The following GGT7 variants were observed in gnomAD, a reference collection of about 807,000 sequenced individuals.
The protein encoded by GGT7 is glutathione hydrolase 7.
A neutral mutation model predicts 69.2 loss-of-function variants in GGT7; 30 were observed. That is an observed-to-expected ratio of 0.43 (90% CI 0.32 to 0.59). The LOEUF is 0.59. Among genes scored for constraint, GGT7 ranks in the 20% least tolerant of loss-of-function variants. The probability of loss-of-function intolerance (pLI) is 0.05; values close to 1 mark genes in which losing one functional copy is unlikely to be tolerated. For missense variants in GGT7, 733 were observed against 901.1 expected (o/e 0.81, Z 2.39); for synonymous variants, 388 against 391.8 (o/e 0.99, Z 0.12).
chr20:34,863,323 C>G lies in GGT7; in HGVS notation c.395G>C (p.Gly132Ala), dbSNP rs1568941181. Residue 132 changes from glycine (G) to alanine (A), a missense_variant, in exon 2 of 15, where the codon GGG (glycine) becomes GCG (alanine). By Grantham distance (60) the Gly-to-Ala change is moderately conservative. Coordinates refer to ENST00000336431, the MANE Select transcript of GGT7 (RefSeq NM_178026.3). This position sits in a 1 kb window ranked among gnomAD's most constrained non-coding sequence, Gnocchi z 4.4. ...TVALVMQIYF[G>A]DPQIFQQGAV... Reference sequence around the variant, plus strand: ...ATTTGTCCCCCTCACCTGGGGGTCCCCGAAGTAGATCTGCATGACCAGCGC... The same window carrying G: ...ATTTGTCCCCCTCACCTGGGGGTCCGCGAAGTAGATCTGCATGACCAGCGC... 2 of 1,611,890 alleles carry G rather than the reference C, an allele frequency of 1.2e-6. No homozygotes were observed. The highest frequency in any genetic ancestry group is 1.7e-6 in the Non-Finnish European group (2 of 1,178,284).
intron 2 of GGT7, 25 bp from the exon 3 acceptor site, chr20:34,862,990 G>T: frequency 1.9e-6 from 3 of 1,601,276 alleles, no homozygotes; most frequent in Non-Finnish European, 2.6e-6. Context: ...AGGACTTGGT[G>T]GGGGCAGGAG....
At chr20:34,856,435 G>A (rs996007181) in intron 8 of GGT7, among the ~76,000 whole-genome samples, 6 of 152,162 alleles carry the variant, frequency 3.9e-5, no homozygotes, top group African/African-American at 7.2e-5. Context: ...TCATTCTACT[G>A]TGAAGCTTGG....
At position 34,863,610 on chromosome 20, in the gene GGT7, G is replaced by A; in HGVS notation, c.170-62C>T. The A allele has an allele frequency of 1.1e-5, 12 of 1,133,114 alleles. No individual in the cohort carries two copies. The highest frequency in any genetic ancestry group is 1.3e-5 in the Non-Finnish European group (10 of 766,038). 70.2% of individuals were successfully genotyped at this position (1,133,114 alleles called of 1,614,324 possible). A position where few individuals can be genotyped will look rare whatever the true frequency, so the allele number is the denominator to read the frequency against. Reference sequence around the variant, plus strand: ...CTATCTGGCCCTGCCCACCCTCCAGGTGGGACTATTCAGCGCTTTCCCTGC... The same window carrying A: ...CTATCTGGCCCTGCCCACCCTCCAGATGGGACTATTCAGCGCTTTCCCTGC... On this transcript the variant is annotated intron_variant, in intron 1 of 14. Transcript: ENST00000336431. This position sits in a 1 kb window ranked among gnomAD's most constrained non-coding sequence, Gnocchi z 4.4.
rs1343213057 is a variant in GGT7, at chr20:34,863,416, G to A, written c.302C>T (p.Ser101Phe). Reference protein sequence around the residue: ...DPFSAAAAECSCRQDGLTVIV... With the variant: ...DPFSAAAAECFCRQDGLTVIV... ...GACCGTGAGCCCATCCTGGCGGCAG[G>A]AGCACTCGGCCGCTGCGGCGGAGAA... Residue 101 changes from serine to phenylalanine, a missense_variant, in exon 2 of 15, where the codon TCC becomes TTC. Physicochemically the swap from Ser to Phe is radical, Grantham distance 155 (BLOSUM62 -2). Transcript: ENST00000336431. The surrounding 1 kb of genome is among the most constrained non-coding windows in gnomAD (Gnocchi z 4.4). 4 of 1,613,796 alleles carry A rather than the reference G, an allele frequency of 2.5e-6. No individual in the cohort carries two copies. Among genetic ancestry groups the A allele is most frequent in the South Asian group, 1.1e-5 (1 of 91,074 alleles).
chr20:34,849,888 G>T (rs779283400), intron 14 of GGT7, 73 bp downstream of exon 14: 2 of 846,942 alleles, frequency 2.4e-6, no homozygotes, highest in South Asian at 1.7e-5. Context: ...GTTGAGGCAT[G>T]GGCACCCTTG....
chr20:34,871,465 T>A (rs2079777085), intron 1 of GGT7, among the ~76,000 whole-genome samples: 1 of 152,166 alleles, frequency 6.6e-6, no homozygotes, highest in Non-Finnish European at 1.5e-5. Context: ...TCCACTCCCT[T>A]TGGAAAATAA....
At position 34,854,629 on chromosome 20, in the gene GGT7, C is replaced by G. The variant is rs754447766; in HGVS notation, c.1231-10G>C. The G allele has an allele frequency of 6.2e-7, 1 of 1,605,258 alleles. No homozygotes were observed. The highest frequency in any genetic ancestry group is 8.5e-7 in the Non-Finnish European group (1 of 1,172,096). Reference sequence around the variant, plus strand: ...ATGCAATCTTCAGGGTCTGAAAATACAGCAGGGATATGGAAGAGGCTGCCA... The same window carrying G: ...ATGCAATCTTCAGGGTCTGAAAATAGAGCAGGGATATGGAAGAGGCTGCCA... On this transcript the variant is annotated splice_polypyrimidine_tract_variant and intron_variant, in intron 9 of 14. Transcript: ENST00000336431.
chr20:34,864,724 AG>A (rs1292585509), intron 1 of GGT7, among the ~76,000 whole-genome samples: 1 of 127,162 alleles, frequency 7.9e-6, no homozygotes, highest in Non-Finnish European at 1.7e-5. Flanking sequence ...CTGTCTCAAA[AG>A]AAAAAAAAAA....
chr20:34,866,753 A>G (rs1250863625), intron 1 of GGT7, among the ~76,000 whole-genome samples: 1 of 151,816 alleles, frequency 6.6e-6, no homozygotes, highest in African/African-American at 2.4e-5. Context: ...CTAATTTTTT[A>G]TATTTTTAGT....
intron 1 of GGT7, among the ~76,000 whole-genome samples, chr20:34,870,730 C>T (rs984488224): frequency 2.4e-4 from 36 of 149,364 alleles, no homozygotes; most frequent in African/African-American, 8.2e-4. Flanking sequence ...CCTCAGCATC[C>T]CAAAGTGCTG....
At chr20:34,852,600 C>T in intron 10 of GGT7, 62 bp from the exon 11 acceptor site, 1 of 1,458,854 alleles carries the variant, frequency 6.9e-7, no homozygotes, top group Non-Finnish European at 9.2e-7. Context: ...CCACCTACCT[C>T]ACTTTTGTGG....
In GGT7 at chr20:34,851,234, T is replaced by C. The variant is rs755259069; in HGVS notation, c.1722A>G (p.Thr574=). The C allele has an allele frequency of 3.1e-6, 5 of 1,613,204 alleles. No homozygotes were observed. The East Asian group carries it at 1.1e-4, about 36-fold the overall frequency. The change falls in exon 13 of 15, where the codon ACA becomes ACG. Residue 574 remains threonine, a synonymous_variant. Coordinates refer to ENST00000336431, the MANE Select transcript of GGT7 (RefSeq NM_178026.3). Reference sequence around the variant, plus strand: ...CCAACCATGGCGTAAACCTCACCTGTGTCAGGCCGCTGAGGCCCCGCGCAG... The same window carrying C: ...CCAACCATGGCGTAAACCTCACCTGCGTCAGGCCGCTGAGGCCCCGCGCAG... The part of the protein sequence containing the change: ...NGAARGLSGL[T]QVLLNVLTLN...
Position 34,863,089 on chromosome 20 carries a change from T to C in GGT7, c.406-124A>G. ...AGCCCTGCCCCCTTGTTGCCTTGAC[T>C]CTGCCCTCATTACCCCAAGTGCCTC... On this transcript the variant is annotated intron_variant, in intron 2 of 14. Coordinates refer to ENST00000336431, the MANE Select transcript of GGT7 (RefSeq NM_178026.3). The surrounding 1 kb of genome is among the most constrained non-coding windows in gnomAD (Gnocchi z 4.4). The C allele has an allele frequency of 1.0e-6, 1 of 962,950 alleles. No homozygotes were observed. The highest frequency in any genetic ancestry group is 1.6e-6 in the Non-Finnish European group (1 of 641,994). 59.7% of individuals were successfully genotyped at this position (962,950 alleles called of 1,614,324 possible). A position where few individuals can be genotyped will look rare whatever the true frequency, so the allele number is the denominator to read the frequency against.
intron 4 of GGT7, among the ~76,000 whole-genome samples, chr20:34,861,182 C>T (rs948451386): frequency 6.6e-6 from 1 of 152,132 alleles, no homozygotes; most frequent in African/African-American, 2.4e-5. Flanking sequence ...GCATCAACTT[C>T]GTGACATTTC....
chr20:34,854,446 A>T, intron 10 of GGT7, 85 bp downstream of exon 10: 1 of 762,516 alleles, frequency 1.3e-6, no homozygotes, highest in Non-Finnish European at 2.2e-6. Context: ...TCAGGCCTTT[A>T]TTGCTATACC....
At chr20:34,860,593 G>C (rs895688042) in intron 4 of GGT7, among the ~76,000 whole-genome samples, 2 of 149,832 alleles carry the variant, frequency 1.3e-5, no homozygotes, top group African/African-American at 2.5e-5. Flanking sequence ...GACATAACCA[G>C]TGTAGAAAGA....
Position 34,849,984 on chromosome 20 carries a change from T to G in GGT7, c.1802A>C (p.Gln601Pro). The change falls in exon 14 of 15, where the codon CAG becomes CCG. Residue 601 changes from glutamine (Q) to proline (P), a missense_variant. Physicochemically the swap from Gln to Pro is moderately conservative, Grantham distance 76. Transcript: ENST00000336431. ...ACTGTCCACCTGCAGGAGGTTGGAC[T>G]GCAGGTCCGGGTGTAGGCGGCCGCG... ...LARGRLHPDL[Q>P]SNLLQVDSEF... is the part of the protein sequence containing the mutation. 1 of 1,612,572 alleles carries G rather than the reference T, an allele frequency of 6.2e-7. No individual in the cohort carries two copies. Among genetic ancestry groups the G allele is most frequent in the Non-Finnish European group, 8.5e-7 (1 of 1,178,710 alleles).
chr20:34,852,659 G>A, intron 10 of GGT7, 121 bp from the exon 11 acceptor site: 1 of 859,984 alleles, frequency 1.2e-6, no homozygotes, highest in East Asian at 2.8e-5. Flanking sequence ...TGGACTACTA[G>A]GTCTATGAGT....
At chr20:34,850,696 C>T (rs1196455579) in intron 13 of GGT7, 1 of 376,962 alleles carries the variant, frequency 2.7e-6, no homozygotes, top group Non-Finnish European at 5.3e-6. Context: ...TAAGTGAATG[C>T]TCCAGCATCA....
Sources: gnomAD v4.1 joint callset for allele counts (sites outside exome capture counted in the v4.1 genomes callset) on GRCh38, gnomAD v4.1.1 for gene constraint, Gnocchi (gnomAD v3.1) non-coding constraint, MANE v1.5 for transcripts, NCBI Gene and HGNC (gene_info 2026-07-23, HGNC 2026-07-21) for gene names.